Variants in FAM193A observed in about 807,000 individuals in gnomAD.
FAM193A encodes the protein family with sequence similarity 193 member A.
FAM193A carries 22 observed loss-of-function variants against 126.5 expected under a neutral mutation model. The ratio of observed to expected loss-of-function variants is 0.17; its 90% confidence interval spans 0.12 to 0.25. FAM193A has a LOEUF of 0.25. FAM193A is among the 10% of genes least tolerant of loss of function. The pLI is 1.00. For synonymous variants in FAM193A, 761 were observed against 646.8 expected, an observed-to-expected ratio of 1.18 and a Z score of -2.68; for missense variants, 1,675 against 1,672.8, an observed-to-expected ratio of 1.00 and a Z score of -0.02.
At position 2,573,791 on chromosome 4, in the gene FAM193A, G is replaced by A. The variant is rs189572257; in HGVS notation, c.256-22293G>A. On this transcript the variant is annotated intron_variant, in intron 1 of 20. Transcript: ENST00000637812. ...CCCGTGGCGGGAAGAGGTAGGGAGG[G>A]GTGGTCAGGAAAGGCCTTGCCAGTG... Among the ~76,000 whole-genome samples, 687 of 152,250 alleles carry A rather than the reference G, an allele frequency of 4.5e-3. 3 individuals are homozygous for A. Among genetic ancestry groups the A allele is most frequent in the Non-Finnish European group, 8.1e-3 (550 of 68,024 alleles).
intron 20 of FAM193A, among the ~76,000 whole-genome samples, chr4:2,729,872 A>G (rs376980486): frequency 2.6e-5 from 4 of 152,240 alleles, no homozygotes; most frequent in East Asian, 3.9e-4. Flanking sequence ...TCAGCCTCCC[A>G]AAGTGCTGGG....
At chr4:2,641,403 A>G (rs1321341704) in intron 6 of FAM193A, among the ~76,000 whole-genome samples, 1 of 152,010 alleles carries the variant, frequency 6.6e-6, no homozygotes, top group African/African-American at 2.4e-5. Context: ...TCACACCTGT[A>G]ATCCCAGCAC....
intron 17 of FAM193A, among the ~76,000 whole-genome samples, 173 bp downstream of exon 17, chr4:2,695,302 T>C (rs903266305): frequency 3.3e-5 from 5 of 152,226 alleles, no homozygotes; most frequent in African/African-American, 1.2e-4. Flanking sequence ...TGATTTTTTT[T>C]CTTCATTTTT....
At chr4:2,723,706 T>C in intron 20 of FAM193A, among the ~76,000 whole-genome samples, 1 of 152,282 alleles carries the variant, frequency 6.6e-6, no homozygotes, top group Middle Eastern at 3.2e-3. Context: ...GTTATTCATT[T>C]AACCAAACTA....
chr4:2,581,340 G>A (rs533168716), intron 1 of FAM193A, among the ~76,000 whole-genome samples: 3 of 145,678 alleles, frequency 2.1e-5, no homozygotes, highest in Non-Finnish European at 3.0e-5. Flanking sequence ...TGCAACCTCC[G>A]CCTCCCAGGT....
chr4:2,553,314 A>C (rs1398962760), intron 1 of FAM193A, among the ~76,000 whole-genome samples: 1 of 151,932 alleles, frequency 6.6e-6, no homozygotes, highest in Admixed American at 6.6e-5. Flanking sequence ...ATTGCACTCA[A>C]GCTAGGTCCA....
chr4:2,631,368 T>C (rs549609409), intron 5 of FAM193A, among the ~76,000 whole-genome samples, 199 bp downstream of exon 5: 19 of 152,070 alleles, frequency 1.2e-4, no homozygotes, highest in African/African-American at 4.6e-4. Flanking sequence ...GATAAAAGCA[T>C]TGGGTGGATT....
chr4:2,628,746 A>G (rs1257614016), intron 4 of FAM193A, among the ~76,000 whole-genome samples: 1 of 152,194 alleles, frequency 6.6e-6, no homozygotes, highest in African/African-American at 2.4e-5. Flanking sequence ...CAACTTCAGT[A>G]CTTTAGAGTA....
chr4:2,559,484 G>T (rs575552225), intron 1 of FAM193A, among the ~76,000 whole-genome samples: 46 of 152,308 alleles, frequency 3.0e-4, no homozygotes, highest in African/African-American at 9.9e-4. Context: ...AGTCTGGAGT[G>T]TAGTGGCACA....
At chr4:2,634,574 T>C (rs759955619) in intron 5 of FAM193A, among the ~76,000 whole-genome samples, 7 of 152,154 alleles carry the variant, frequency 4.6e-5, no homozygotes, top group African/African-American at 4.8e-5. Flanking sequence ...AAGTTTGAAA[T>C]TGGGAGTTAA....
intron 6 of FAM193A, among the ~76,000 whole-genome samples, chr4:2,643,291 T>C (rs781393592): frequency 1.3e-5 from 2 of 152,196 alleles, no homozygotes; most frequent in African/African-American, 4.8e-5. Context: ...AAAATTTTGC[T>C]ACTGATTACA....
At chr4:2,702,443 A>G (rs1717838315) in intron 19 of FAM193A, among the ~76,000 whole-genome samples, 1 of 152,068 alleles carries the variant, frequency 6.6e-6, no homozygotes, top group Admixed American at 6.5e-5. Flanking sequence ...TCTTTCTTCA[A>G]CAGTGGTGTT....
At chr4:2,722,442 T>A (rs1020741218) in intron 20 of FAM193A, among the ~76,000 whole-genome samples, 1 of 152,194 alleles carries the variant, frequency 6.6e-6, no homozygotes, top group African/African-American at 2.4e-5. Context: ...AGCAGGAATG[T>A]GGTTGATGTT....
chr4:2,653,167 C>A (rs1032956684), intron 7 of FAM193A, among the ~76,000 whole-genome samples: 3 of 152,204 alleles, frequency 2.0e-5, no homozygotes, highest in Non-Finnish European at 4.4e-5. Flanking sequence ...TAGGGAAATT[C>A]TTTTACTAAG....
At chr4:2,538,533 T>G (rs6842403) in intron 1 of FAM193A, among the ~76,000 whole-genome samples, 2 of 152,016 alleles carry the variant, frequency 1.3e-5, no homozygotes, top group African/African-American at 4.8e-5. Flanking sequence ...GGTCTTGGGC[T>G]GTAGTCCTGG....
At chr4:2,562,296 GAA>G (rs1174578184) in intron 1 of FAM193A, among the ~76,000 whole-genome samples, 1 of 152,086 alleles carries the variant, frequency 6.6e-6, no homozygotes, top group African/African-American at 2.4e-5. Context: ...AAAAAATATA[GAA>G]AAAATCAGCT....
intron 13 of FAM193A, among the ~76,000 whole-genome samples, chr4:2,677,995 GTGTT>G (rs111313625): frequency 0.028 from 4,187 of 151,836 alleles, 210 homozygotes; most frequent in African/African-American, 0.095. Context: ...TTTGTAGTGT[GTGTT>G]TGTTTGTTTG....
intron 20 of FAM193A, among the ~76,000 whole-genome samples, chr4:2,730,563 G>T (rs1424696044): frequency 6.6e-6 from 1 of 152,030 alleles, no homozygotes; most frequent in Non-Finnish European, 1.5e-5. Flanking sequence ...GGTGATAGGT[G>T]CCTGTAGTCC....
In FAM193A at chr4:2,586,397, A is replaced by G. The variant is rs967118583; in HGVS notation, c.256-9687A>G. ...ATTTAGGTCTATAATTAAAGAATTG[A>G]TTTTTGTGTATGGTGTGAGATAGGG... On this transcript the variant is annotated intron_variant, in intron 1 of 20. Coordinates refer to ENST00000637812, the MANE Select transcript of FAM193A (RefSeq NM_001366318.2). 2.0e-5 allele frequency among the ~76,000 whole-genome samples: 3 copies of G among 151,712 alleles called. No homozygotes were observed. The East Asian group carries it at 5.8e-4, about 29-fold the overall frequency.
Sources: allele counts gnomAD v4.1 joint callset (sites outside exome capture counted in the v4.1 genomes callset), GRCh38; gene constraint gnomAD v4.1.1; transcripts MANE v1.5; gene names NCBI Gene and HGNC (gene_info 2026-07-23, HGNC 2026-07-21).